BAZ2B: variants seen among roughly 807,000 people sequenced by gnomAD.
BAZ2B encodes bromodomain adjacent to zinc finger domain protein 2B.
A neutral mutation model predicts 246.0 loss-of-function variants in BAZ2B; 91 were observed. The observed-to-expected ratio is 0.37, with a 90% confidence interval of 0.31 to 0.44. The LOEUF is 0.44. Ranked by LOEUF, BAZ2B falls within the 20% of genes least tolerant of loss-of-function variation. The pLI, the probability that BAZ2B is intolerant of heterozygous loss-of-function variation, is 1.00. For missense variants in BAZ2B, 2,332 were observed against 2,533.7 expected, an observed-to-expected ratio of 0.92 and a Z score of 1.71; for synonymous variants, 855 against 860.0, an observed-to-expected ratio of 0.99 and a Z score of 0.10.
At chr2:159,678,608 C>A in the BAZ2B span, among the ~76,000 whole-genome samples, 152 of 152,132 alleles carry the variant, frequency 1.0e-3, 2 homozygotes, top group East Asian at 0.023. Flanking sequence ...AGAGGACAGC[C>A]GGGGTAGTGA....
At chr2:159,630,507 A>G in the BAZ2B span, among the ~76,000 whole-genome samples, 1 of 151,814 alleles carries the variant, frequency 6.6e-6, no homozygotes, top group Admixed American at 6.6e-5. Flanking sequence ...CAAAACAGCA[A>G]CTGAAATTAT....
chr2:159,581,630 T>A (rs1401973913), intron 1 of BAZ2B, among the ~76,000 whole-genome samples: 1 of 152,184 alleles, frequency 6.6e-6, no homozygotes, highest in African/African-American at 2.4e-5. Flanking sequence ...CATGTATGTT[T>A]ATTGCAGCAC....
the BAZ2B span, chr2:159,695,450 G>A: frequency 1.3e-5 from 2 of 151,440 alleles, no homozygotes; most frequent in African/African-American, 4.8e-5. Context: ...GTAAGTCTGA[G>A]GTCAAGAATA....
the BAZ2B span, chr2:159,712,164 G>A: frequency 6.6e-6 from 1 of 152,186 alleles, no homozygotes; most frequent in South Asian, 2.1e-4. Flanking sequence ...GTGGGCCTGT[G>A]GGCGGGGACC....
chr2:159,440,971 AC>A (rs1180714721), intron 6 of BAZ2B, among the ~76,000 whole-genome samples: 2 of 152,268 alleles, frequency 1.3e-5, no homozygotes, highest in East Asian at 3.9e-4. Flanking sequence ...TTGTATGGGT[AC>A]CCACACAATG....
At chr2:159,479,925 T>G (rs1316314364) in intron 2 of BAZ2B, among the ~76,000 whole-genome samples, 1 of 152,166 alleles carries the variant, frequency 6.6e-6, no homozygotes, top group Non-Finnish European at 1.5e-5. Context: ...ACTGCTATGA[T>G]GAGTCTGTCC....
intron 36 of BAZ2B, among the ~76,000 whole-genome samples, chr2:159,322,988 T>G (rs2062898126): frequency 6.9e-6 from 1 of 144,136 alleles, no homozygotes. Flanking sequence ...AGCTCTGATT[T>G]TGTAGCTTTT....
At chr2:159,533,013 A>G (rs565467580) in intron 2 of BAZ2B, among the ~76,000 whole-genome samples, 1 of 152,192 alleles carries the variant, frequency 6.6e-6, no homozygotes, top group Non-Finnish European at 1.5e-5. Flanking sequence ...AAAAAGTAAG[A>G]ATAGGAGACA....
At chr2:159,583,635 C>T (rs984748202) in intron 1 of BAZ2B, among the ~76,000 whole-genome samples, 1 of 151,984 alleles carries the variant, frequency 6.6e-6, no homozygotes, top group African/African-American at 2.4e-5. Context: ...CTAGATGCTA[C>T]TCATTTGTGA....
At chr2:159,339,326 A>G (rs1272046146) in intron 31 of BAZ2B, among the ~76,000 whole-genome samples, 1 of 152,160 alleles carries the variant, frequency 6.6e-6, no homozygotes, top group Non-Finnish European at 1.5e-5. Flanking sequence ...GTGGCAAGAG[A>G]GAAGTGAAAA....
At chr2:159,447,458 A>G (rs72947542) in intron 5 of BAZ2B, among the ~76,000 whole-genome samples, 1,566 of 152,336 alleles carry the variant, frequency 0.01, 16 homozygotes, top group Non-Finnish European at 0.016. Context: ...AGTGAAAAGA[A>G]AGATAGTAAA....
chr2:159,483,816 A>C (rs1382811516), intron 2 of BAZ2B, among the ~76,000 whole-genome samples: 1 of 152,102 alleles, frequency 6.6e-6, no homozygotes, highest in Non-Finnish European at 1.5e-5. Context: ...CAAAACAAAA[A>C]AATGAGAAGA....
chr2:159,445,368 C>T lies in BAZ2B; in HGVS notation c.696+1414G>A, dbSNP rs191934310. 7.5e-3 allele frequency among the ~76,000 whole-genome samples: 1,142 copies of T among 152,200 alleles called. 13 individuals carry two copies. Among genetic ancestry groups the T allele is most frequent in the Middle Eastern group, 0.031 (9 of 294 alleles). Reference sequence around the variant, plus strand: ...GAAAAGGAGATGTAGGGAATATGTACTTTTTGTAGGGCTAAGGTAGAGTAA... The same window carrying T: ...GAAAAGGAGATGTAGGGAATATGTATTTTTTGTAGGGCTAAGGTAGAGTAA... On this transcript the variant is annotated intron_variant, in intron 6 of 36. Coordinates refer to ENST00000392783, the MANE Select transcript of BAZ2B (RefSeq NM_013450.4).
At chr2:159,668,904 A>T in the BAZ2B span, among the ~76,000 whole-genome samples, 2 of 152,088 alleles carry the variant, frequency 1.3e-5, no homozygotes, top group Admixed American at 6.6e-5. Flanking sequence ...TAAAATACAA[A>T]AATTAGCCGG....
At chr2:159,686,262 A>AAG in the BAZ2B span, among the ~76,000 whole-genome samples, 197 of 151,688 alleles carry the variant, frequency 1.3e-3, no homozygotes, top group African/African-American at 4.4e-3. Flanking sequence ...CTACTTTAAA[A>AAG]AGAGAGAGAG....
chr2:159,337,153 T>C (rs1023279263), intron 32 of BAZ2B, 76 bp from the exon 33 acceptor site: 1 of 1,506,656 alleles, frequency 6.6e-7, no homozygotes, highest in East Asian at 2.3e-5. Flanking sequence ...ATCATCACAC[T>C]GAAAGCCAAG....
chr2:159,582,497 G>A (rs905802810), intron 1 of BAZ2B, among the ~76,000 whole-genome samples: 2 of 152,124 alleles, frequency 1.3e-5, no homozygotes, highest in Non-Finnish European at 2.9e-5. Context: ...CCAGGTTCAA[G>A]CTCAGCCTCC....
chr2:159,453,580 T>C, intron 4 of BAZ2B, 33 bp downstream of exon 4: 1 of 1,536,714 alleles, frequency 6.5e-7, no homozygotes, highest in South Asian at 1.3e-5. Context: ...GCTTTCCTCC[T>C]TCCCTTGAAC....
At chr2:159,470,375 C>T (rs1310982969) in intron 3 of BAZ2B, among the ~76,000 whole-genome samples, 1 of 152,172 alleles carries the variant, frequency 6.6e-6, no homozygotes, top group African/African-American at 2.4e-5. Context: ...ATAAAATTGT[C>T]CTACAGCCTG....
Sources: gnomAD v4.1 joint callset for allele counts (sites outside exome capture counted in the v4.1 genomes callset) on GRCh38, gnomAD v4.1.1 for gene constraint, MANE v1.5 for transcripts, NCBI Gene and HGNC (gene_info 2026-07-23, HGNC 2026-07-21) for gene names.